Variants in KCNIP1 observed in about 807,000 individuals in gnomAD.
The protein encoded by KCNIP1 is A-type potassium channel modulatory protein KCNIP1.
In KCNIP1, 18 loss-of-function variants were observed where a neutral mutation model predicts 33.0. The ratio of observed to expected loss-of-function variants is 0.55; its 90% CI spans 0.38 to 0.81. KCNIP1 has a LOEUF of 0.81. KCNIP1 is among the 30% of genes least tolerant of loss of function. The pLI is 0.00. For missense variants in KCNIP1, 238 were observed against 271.6 expected (o/e 0.88, Z 0.87); for synonymous variants, 93 against 98.3 (o/e 0.95, Z 0.32).
chr5:170,536,714 C>A (rs1755998463), intron 1 of KCNIP1, among the ~76,000 whole-genome samples: 1 of 152,174 alleles, frequency 6.6e-6, no homozygotes, highest in African/African-American at 2.4e-5. Context: ...TGATTTAACG[C>A]TCTCTCACTC....
At position 170,519,589 on chromosome 5, in the gene KCNIP1, G is replaced by A. The variant is rs561325759; in HGVS notation, c.61+14956G>A. Among the ~76,000 whole-genome samples the A allele has an allele frequency of 6.6e-5, 10 of 152,244 alleles. No homozygotes were observed. The East Asian group carries it at 1.5e-3, about 24-fold the overall frequency. On this transcript the variant is annotated intron_variant, in intron 1 of 7. Transcript: ENST00000328939. The stretch of plus-strand genomic sequence containing the variant: ...ATGGAAAATAAAGTGTAAATGGAGC[G>A]AGGGAGGGAATTTGTCTCCGAGGCA...
chr5:170,486,566 T>C (rs1378292023), intron 1 of KCNIP1, among the ~76,000 whole-genome samples: 1 of 152,204 alleles, frequency 6.6e-6, no homozygotes, highest in Non-Finnish European at 1.5e-5. Flanking sequence ...AAGTAATGAG[T>C]TCCTGCTGCC....
chr5:170,717,508 A>G (rs992682658), intron 1 of KCNIP1, among the ~76,000 whole-genome samples: 1 of 152,156 alleles, frequency 6.6e-6, no homozygotes, highest in Non-Finnish European at 1.5e-5. Context: ...GCAATTAGGA[A>G]TTGTTACCAA....
chr5:170,528,088 C>T (rs1467589805), intron 1 of KCNIP1, among the ~76,000 whole-genome samples: 1 of 152,190 alleles, frequency 6.6e-6, no homozygotes, highest in African/African-American at 2.4e-5. Context: ...CAAGGATTGA[C>T]TGCAGTAGGA....
intron 1 of KCNIP1, among the ~76,000 whole-genome samples, chr5:170,356,020 G>T (rs1391772023): frequency 6.6e-6 from 1 of 152,198 alleles, no homozygotes; most frequent in Non-Finnish European, 1.5e-5. Flanking sequence ...CCCGATCCAG[G>T]TGTTTGCTAA....
intron 1 of KCNIP1, among the ~76,000 whole-genome samples, chr5:170,434,941 C>A (rs140571807): frequency 2.0e-5 from 3 of 152,172 alleles, no homozygotes; most frequent in Non-Finnish European, 2.9e-5. Flanking sequence ...GGCGACAGAG[C>A]GAGACTCCAT....
chr5:170,478,909 TAAA>T lies in KCNIP1; in HGVS notation c.88+124955_88+124957del, dbSNP rs10609881. ...TCAATGTGGTTAATGAAAAGGAAGA[TAAA>T]AAAAAAAAAGGTTGGCCATATTTGC... On this transcript the variant is annotated intron_variant, in intron 1 of 7. Coordinates refer to the KCNIP1 transcript ENST00000377360. Among the ~76,000 whole-genome samples the T allele has an allele frequency of 2.9e-3, 417 of 143,338 alleles. 1 individual carries two copies. The highest frequency in any genetic ancestry group is 9.9e-3 in the African/African-American group (387 of 39,062). The allele number at this position is 143,338 out of a possible 152,430, so 94.0% of individuals were successfully genotyped here. A position where few individuals can be genotyped will look rare whatever the true frequency, so the allele number is the denominator to read the frequency against.
At position 170,735,739 on chromosome 5, in the gene KCNIP1, T is replaced by G; in HGVS notation, c.604-20T>G. 6.2e-7 allele frequency: 1 copy of G among 1,612,828 alleles called. No individual in the cohort carries two copies. Among genetic ancestry groups the G allele is most frequent in the Non-Finnish European group, 8.5e-7 (1 of 1,178,838 alleles). On this transcript the variant is annotated intron_variant, in intron 7 of 7. Coordinates refer to ENST00000328939, the MANE Select transcript of KCNIP1 (RefSeq NM_014592.4). ...GAGGAGACTCAGAGTTCTAACCCTC[T>G]TGCCCTCCTTTTTTCCCAGGACGAC...
At chr5:170,387,003 G>T (rs114995604) in intron 1 of KCNIP1, among the ~76,000 whole-genome samples, 1 of 152,032 alleles carries the variant, frequency 6.6e-6, no homozygotes, top group Non-Finnish European at 1.5e-5. Flanking sequence ...AATCTATGCC[G>T]CCTGGAGCCA....
intron 1 of KCNIP1, among the ~76,000 whole-genome samples, chr5:170,493,516 G>A (rs189914903): frequency 6.6e-6 from 1 of 152,302 alleles, no homozygotes; most frequent in Non-Finnish European, 1.5e-5. Flanking sequence ...AAGTCACCAT[G>A]GTGGCTGGAC....
At chr5:170,587,105 A>G (rs1205908993) in intron 1 of KCNIP1, among the ~76,000 whole-genome samples, 1 of 152,194 alleles carries the variant, frequency 6.6e-6, no homozygotes, top group Non-Finnish European at 1.5e-5. Flanking sequence ...GTAACAAATT[A>G]TCACAAATTC....
chr5:170,471,951 G>A (rs775233211), intron 1 of KCNIP1, among the ~76,000 whole-genome samples: 2 of 152,328 alleles, frequency 1.3e-5, no homozygotes, highest in Non-Finnish European at 2.9e-5. Flanking sequence ...TGGCAGCCAC[G>A]TGGGAGGCAT....
At chr5:170,371,009 C>T (rs1019579649) in intron 1 of KCNIP1, among the ~76,000 whole-genome samples, 7 of 152,162 alleles carry the variant, frequency 4.6e-5, no homozygotes, top group Admixed American at 2.6e-4. Context: ...AATTCTAGAG[C>T]GCATGATTAA....
intron 1 of KCNIP1, chr5:170,375,798 A>T (rs1763975191): frequency 6.6e-6 from 1 of 152,268 alleles, no homozygotes; most frequent in African/African-American, 2.4e-5. Context: ...TATCCTAGGA[A>T]ATTTACATAA....
intron 1 of KCNIP1, chr5:170,378,903 T>A (rs199808458): frequency 3.1e-6 from 5 of 1,614,210 alleles, no homozygotes; most frequent in Non-Finnish European, 4.2e-6. Context: ...CTCTTGGAAT[T>A]TGGCTCTGAC....
At chr5:170,378,930 C>G in intron 1 of KCNIP1, 2 of 1,614,140 alleles carry the variant, frequency 1.2e-6, no homozygotes, top group South Asian at 1.1e-5. Flanking sequence ...CACGTCGGCC[C>G]GGGCCGTCTG....
intron 1 of KCNIP1, among the ~76,000 whole-genome samples, chr5:170,641,521 C>G (rs201405402): frequency 6.6e-6 from 1 of 152,246 alleles, no homozygotes. Context: ...AGTTTGGGAG[C>G]AAAAGCCGCC....
chr5:170,467,490 A>G (rs926523378), intron 1 of KCNIP1, among the ~76,000 whole-genome samples: 1 of 152,118 alleles, frequency 6.6e-6, no homozygotes, highest in Non-Finnish European at 1.5e-5. Context: ...CAGTGGAAAG[A>G]AGGAGAGGCT....
At chr5:170,569,185 G>T (rs1488015960) in intron 1 of KCNIP1, among the ~76,000 whole-genome samples, 5 of 152,200 alleles carry the variant, frequency 3.3e-5, no homozygotes, top group African/African-American at 9.6e-5. Context: ...CAGTAACCTG[G>T]AATATTTTGC....
Sources: gnomAD v4.1 joint callset for allele counts (sites outside exome capture counted in the v4.1 genomes callset) on GRCh38, gnomAD v4.1.1 for gene constraint, MANE v1.5 for transcripts, NCBI Gene and HGNC (gene_info 2026-07-23, HGNC 2026-07-21) for gene names.